FAT4: variants seen among roughly 807,000 people sequenced by gnomAD.
The protein encoded by FAT4 is FAT atypical cadherin 4, also known as protocadherin Fat 4.
Under a neutral mutation model 303.9 loss-of-function variants are expected in FAT4, and 84 were observed. The observed-to-expected ratio is 0.28, with a 90% CI of 0.23 to 0.33. The LOEUF is 0.33. FAT4 is among the 10% of genes least tolerant of loss of function. The pLI is 1.00. For synonymous variants in FAT4, 2,307 were observed against 2,298.8 expected (o/e 1.00, Z -0.10); for missense variants, 6,005 against 6,146.8 (o/e 0.98, Z 0.77).
At chr4:125,340,343 G>A (rs1429113386) in intron 2 of FAT4, among the ~76,000 whole-genome samples, 3 of 152,028 alleles carry the variant, frequency 2.0e-5, no homozygotes, top group Admixed American at 1.3e-4. Flanking sequence ...TCCCTCAAGG[G>A]ATTCTGATGC....
chr4:125,441,523 G>T (rs925902481), intron 8 of FAT4, among the ~76,000 whole-genome samples: 3 of 152,128 alleles, frequency 2.0e-5, no homozygotes, highest in African/African-American at 7.2e-5. Context: ...AATGTTTTAA[G>T]CAGCAAGCAC....
In FAT4 at chr4:125,320,248, T is replaced by C; in HGVS notation, c.3837T>C (p.Pro1279=). Residue 1279 remains proline (P), a synonymous_variant, in exon 2 of 18, where the codon CCT becomes CCC. Transcript: ENST00000394329. ...LIGKLDYEAT[P]AYSLVIQAVD... is the part of the protein sequence containing the mutation. ...GCAAATTAGACTATGAAGCAACACCTGCCTATTCCCTTGTAATTCAAGCAG... is the reference window on the plus strand; with the variant it reads ...GCAAATTAGACTATGAAGCAACACCCGCCTATTCCCTTGTAATTCAAGCAG... 1 of 1,614,184 alleles carries C rather than the reference T, an allele frequency of 6.2e-7. No individual in the cohort carries two copies. Among genetic ancestry groups the C allele is most frequent in the Admixed American group, 1.7e-5 (1 of 60,024 alleles).
intron 2 of FAT4, among the ~76,000 whole-genome samples, chr4:125,367,275 A>G (rs1732921245): frequency 6.6e-6 from 1 of 152,182 alleles, no homozygotes; most frequent in South Asian, 2.1e-4. Flanking sequence ...TGGAAATAGC[A>G]TTTGCCAGAC....
At chr4:125,440,531 C>G (rs1725616513) in intron 8 of FAT4, among the ~76,000 whole-genome samples, 1 of 151,678 alleles carries the variant, frequency 6.6e-6, no homozygotes, top group Non-Finnish European at 1.5e-5. Context: ...TCTCTTTTCT[C>G]TCTCTGGAAA....
intron 3 of FAT4, among the ~76,000 whole-genome samples, chr4:125,404,537 G>A (rs371540456): frequency 5.3e-5 from 8 of 152,180 alleles, no homozygotes; most frequent in African/African-American, 1.9e-4. Context: ...GTAAAATATT[G>A]TATTCATTTG....
At chr4:125,471,462 TTA>T in intron 12 of FAT4, among the ~76,000 whole-genome samples, 1 of 152,344 alleles carries the variant, frequency 6.6e-6, no homozygotes, top group Non-Finnish European at 1.5e-5. Flanking sequence ...ATTGATTTTA[TTA>T]TGTGGCTTTC....
In FAT4 at chr4:125,415,641, T is replaced by C; in HGVS notation, c.6678T>C (p.His2226=). 1 of 1,614,032 alleles carries C rather than the reference T, an allele frequency of 6.2e-7. No homozygotes were observed. Among genetic ancestry groups the C allele is most frequent in the Non-Finnish European group, 8.5e-7 (1 of 1,179,964 alleles). ...PLDREKTPTY[H]LTVQATDRGS... ...ATAGAGAAAAGACCCCTACCTACCA[T>C]TTAACTGTTCAGGCAACAGATCGAG... is the stretch of plus-strand genomic sequence containing the variant. Residue 2226 remains histidine (H), a synonymous_variant, in exon 6 of 18, where the codon CAT becomes CAC. Transcript: ENST00000394329.
At chr4:125,381,517 A>T (rs1176960226) in intron 2 of FAT4, among the ~76,000 whole-genome samples, 2 of 152,240 alleles carry the variant, frequency 1.3e-5, no homozygotes, top group African/African-American at 4.8e-5. Context: ...TTTAAAAAAC[A>T]ATGTATATAC....
At chr4:125,324,016 A>G (rs1236813046) in intron 2 of FAT4, among the ~76,000 whole-genome samples, 1 of 152,100 alleles carries the variant, frequency 6.6e-6, no homozygotes, top group African/African-American at 2.4e-5. Context: ...TGACTCTGAT[A>G]TTGTTCATTC....
intron 4 of FAT4, among the ~76,000 whole-genome samples, chr4:125,407,868 T>G (rs1462216639): frequency 6.6e-6 from 1 of 152,146 alleles, no homozygotes; most frequent in Non-Finnish European, 1.5e-5. Context: ...TTGGAATGAT[T>G]ATTCATGATA....
chr4:125,444,903 A>G (rs73849222), intron 8 of FAT4, among the ~76,000 whole-genome samples: 23,476 of 152,052 alleles, frequency 0.15, 1,989 homozygotes, highest in South Asian at 0.27. Flanking sequence ...ACGTTAAGGT[A>G]TTTTGATTAT....
chr4:125,446,752 A>T (rs1350102773), intron 9 of FAT4, among the ~76,000 whole-genome samples: 1 of 152,012 alleles, frequency 6.6e-6, no homozygotes. Context: ...ATTGTGTATA[A>T]TGTTTTATAA....
At chr4:125,406,545 A>C (rs1237799825) in intron 3 of FAT4, among the ~76,000 whole-genome samples, 1 of 152,158 alleles carries the variant, frequency 6.6e-6, no homozygotes, top group Admixed American at 6.6e-5. Flanking sequence ...TGCTGTTAGG[A>C]TTTTGATATA....
At chr4:125,431,221 A>G (rs1302510033) in intron 7 of FAT4, among the ~76,000 whole-genome samples, 3 of 152,196 alleles carry the variant, frequency 2.0e-5, no homozygotes, top group African/African-American at 7.2e-5. Context: ...CTTATTTTCT[A>G]ATTGTGAATT....
chr4:125,408,871 T>C lies in FAT4; in HGVS notation c.5920+77T>C, dbSNP rs985074360. 7.5e-6 allele frequency: 6 copies of C among 797,396 alleles called. No homozygotes were observed. The South Asian group carries it at 1.6e-4, about 21-fold the overall frequency. The allele number at this position is 797,396 out of a possible 1,614,324, so 49.4% of individuals were successfully genotyped here. A position where few individuals can be genotyped will look rare whatever the true frequency, so the allele number is the denominator to read the frequency against. ...ATTTATATTACATTTATTTATTGTG[T>C]TGAGCTGTCACAAAAATGCATTTTG... is the stretch of plus-strand genomic sequence containing the variant. On this transcript the variant is annotated intron_variant, in intron 5 of 17. Coordinates refer to ENST00000394329, the MANE Select transcript of FAT4 (RefSeq NM_001291303.3).
At chr4:125,416,730 G>A in intron 7 of FAT4, 108 bp downstream of exon 7, 1 of 1,085,048 alleles carries the variant, frequency 9.2e-7, no homozygotes, top group Non-Finnish European at 1.3e-6. Flanking sequence ...TGGATTACTT[G>A]AGGTCGGGAG....
rs1409046787 is a variant in FAT4, at chr4:125,409,905, T to C, written c.5920+1111T>C. Reference sequence around the variant, plus strand: ...AATATATAAAACAAGGGACAGTACTTTGAAGAAGAAATAGGTCTCTATTGA... The same window carrying C: ...AATATATAAAACAAGGGACAGTACTCTGAAGAAGAAATAGGTCTCTATTGA... On this transcript the variant is annotated intron_variant, in intron 5 of 17. Coordinates refer to ENST00000394329, the MANE Select transcript of FAT4 (RefSeq NM_001291303.3). Among the ~76,000 whole-genome samples, 3 of 152,284 alleles carry C rather than the reference T, an allele frequency of 2.0e-5. No individual in the cohort carries two copies. The South Asian group carries it at 6.2e-4, about 32-fold the overall frequency.
intron 8 of FAT4, among the ~76,000 whole-genome samples, chr4:125,440,604 T>TGAGAGAGA (rs1263364626): frequency 2.8e-4 from 10 of 35,562 alleles, no homozygotes; most frequent in South Asian, 1.5e-3. Context: ...TGTGTGTGTG[T>TGAGAGAGA]GTGTGTGAGA....
At chr4:125,395,139 A>C (rs147201553) in intron 2 of FAT4, among the ~76,000 whole-genome samples, 2 of 152,122 alleles carry the variant, frequency 1.3e-5, no homozygotes, top group African/African-American at 4.8e-5. Flanking sequence ...TAATGAGTTC[A>C]GATCTTCTCT....
Sources: allele counts gnomAD v4.1 joint callset (sites outside exome capture counted in the v4.1 genomes callset), GRCh38; gene constraint gnomAD v4.1.1; transcripts MANE v1.5; gene names NCBI Gene and HGNC (gene_info 2026-07-23, HGNC 2026-07-21).